The following TCF7L1 variants were observed in gnomAD, a reference collection of about 807,000 sequenced individuals.
TCF7L1 encodes transcription factor 7-like 1.
TCF7L1 carries 18 observed loss-of-function variants against 63.7 expected under a neutral mutation model. That is an observed-to-expected ratio of 0.28 (90% CI 0.20 to 0.42). The LOEUF is 0.42. TCF7L1 is among the 10% of genes least tolerant of loss of function. TCF7L1 has a pLI of 1.00. For missense variants in TCF7L1, 654 were observed against 779.3 expected, an observed-to-expected ratio of 0.84 and a Z score of 1.91; for synonymous variants, 355 against 340.9, an observed-to-expected ratio of 1.04 and a Z score of -0.46.
At chr2:85,268,626 G>A (rs1477300566) in intron 3 of TCF7L1, among the ~76,000 whole-genome samples, 1 of 152,044 alleles carries the variant, frequency 6.6e-6, no homozygotes, top group Non-Finnish European at 1.5e-5. Flanking sequence ...ACTTTTCATA[G>A]AGACGGGGTT....
At chr2:85,157,353 A>C (rs759311474) in intron 3 of TCF7L1, among the ~76,000 whole-genome samples, 1 of 152,210 alleles carries the variant, frequency 6.6e-6, no homozygotes, top group Non-Finnish European at 1.5e-5. Flanking sequence ...TCCCAGAGGA[A>C]TATTGCATGC....
chr2:85,244,737 T>G (rs1430580164), intron 3 of TCF7L1, among the ~76,000 whole-genome samples: 1 of 152,028 alleles, frequency 6.6e-6, no homozygotes, highest in African/African-American at 2.4e-5. Flanking sequence ...GACAGAGACT[T>G]TAGTCATCAG....
chr2:85,291,019 C>A (rs1355714223), intron 4 of TCF7L1, among the ~76,000 whole-genome samples: 1 of 152,204 alleles, frequency 6.6e-6, no homozygotes, highest in East Asian at 1.9e-4. Context: ...ATCACTGTAG[C>A]CCATTCTGTA....
rs1681913958 is a variant in TCF7L1, at chr2:85,299,525, C to G, written c.526-2959C>G. On this transcript the variant is annotated intron_variant, in intron 4 of 11. Transcript: ENST00000282111. ...CGAGATCACACCACTTGCACTCCAG[C>G]CTGGGTGACAGAGCAAGACTCTGTC... 3.3e-5 allele frequency among the ~76,000 whole-genome samples: 5 copies of G among 150,704 alleles called. 1 individual carries two copies. The South Asian group carries it at 8.5e-4, about 26-fold the overall frequency.
In TCF7L1 at chr2:85,133,987, C is replaced by G; in HGVS notation, c.250-29C>G. The G allele has an allele frequency of 6.2e-7, 1 of 1,600,780 alleles. No individual in the cohort carries two copies. The highest frequency in any genetic ancestry group is 1.1e-5 in the South Asian group (1 of 89,616). On this transcript the variant is annotated intron_variant, in intron 1 of 11. Transcript: ENST00000282111. The surrounding 1 kb of genome is among the most constrained non-coding windows in gnomAD (Gnocchi z 4.4). ...GGATCCCGGCCCTGCGTCCGCTCAC[C>G]CGCTCTTGCCTTTGTGTCTCCTCCG...
At chr2:85,226,384 A>G (rs1384537023) in intron 3 of TCF7L1, among the ~76,000 whole-genome samples, 1 of 152,036 alleles carries the variant, frequency 6.6e-6, no homozygotes, top group African/African-American at 2.4e-5. Context: ...TCCCTATTTT[A>G]CCATTAAGGA....
chr2:85,267,708 T>C (rs1681012021), intron 3 of TCF7L1, among the ~76,000 whole-genome samples: 1 of 151,628 alleles, frequency 6.6e-6, no homozygotes. Context: ...GGCAAGTTAG[T>C]TAACCTCTTT....
chr2:85,274,123 C>G (rs1233878787), intron 3 of TCF7L1, among the ~76,000 whole-genome samples: 1 of 152,128 alleles, frequency 6.6e-6, no homozygotes, highest in Non-Finnish European at 1.5e-5. Flanking sequence ...ACTGGGCCTC[C>G]AAAGCCAGTT....
At chr2:85,208,612 C>T (rs1443811974) in intron 3 of TCF7L1, among the ~76,000 whole-genome samples, 3 of 152,128 alleles carry the variant, frequency 2.0e-5, no homozygotes, top group African/African-American at 7.2e-5. Flanking sequence ...ATCTGTGTGT[C>T]TATCTTGTCT....
chr2:85,220,441 T>A (rs557691532), intron 3 of TCF7L1, among the ~76,000 whole-genome samples: 18 of 151,546 alleles, frequency 1.2e-4, no homozygotes, highest in Non-Finnish European at 2.4e-4. Context: ...CAATGTCAGC[T>A]CACTGCAACC....
chr2:85,276,441 A>G (rs1200054697), intron 3 of TCF7L1, among the ~76,000 whole-genome samples: 4 of 152,218 alleles, frequency 2.6e-5, no homozygotes, highest in Non-Finnish European at 5.9e-5. Context: ...CAATGACATT[A>G]TTCAAAATGC....
rs540903187 is a variant in TCF7L1 at position 85,274,922 on chromosome 2, C to A, written c.442-8573C>A. ...GTCCTCTCCAGTGTGAGAGGACACT[C>A]ACACTTGAGTGTGACAGCCACACGT... On this transcript the variant is annotated intron_variant, in intron 3 of 11. Transcript: ENST00000282111. Among the ~76,000 whole-genome samples, 7 of 152,286 alleles carry A rather than the reference C, an allele frequency of 4.6e-5. No homozygotes were observed. The East Asian group carries it at 1.4e-3, about 29-fold the overall frequency.
In TCF7L1 at chr2:85,261,906, C is replaced by T. The variant is rs368356158; in HGVS notation, c.442-21589C>T. 1.9e-4 allele frequency among the ~76,000 whole-genome samples: 29 copies of T among 152,236 alleles called. No individual in the cohort carries two copies. The South Asian group carries it at 5.8e-3, about 30-fold the overall frequency. ...TTTTTTTGTTGTAAGACAAACAATC[C>T]CATAGCATTTATTGCCATCTTGTAA... On this transcript the variant is annotated intron_variant, in intron 3 of 11. Coordinates refer to ENST00000282111, the MANE Select transcript of TCF7L1 (RefSeq NM_031283.3).
chr2:85,275,679 G>C (rs369600712), intron 3 of TCF7L1, among the ~76,000 whole-genome samples: 2 of 152,114 alleles, frequency 1.3e-5, no homozygotes, highest in East Asian at 3.9e-4. Context: ...GCAGAATTGG[G>C]AGGTGAAGGC....
chr2:85,282,806 G>GTT (rs1464119627), intron 3 of TCF7L1, among the ~76,000 whole-genome samples: 1 of 146,902 alleles, frequency 6.8e-6, no homozygotes, highest in East Asian at 2.0e-4. Context: ...GTGTGTGTGT[G>GTT]TGTGTGTGTG....
intron 3 of TCF7L1, among the ~76,000 whole-genome samples, chr2:85,266,390 G>A (rs1004027221): frequency 3.3e-5 from 5 of 152,194 alleles, no homozygotes; most frequent in Non-Finnish European, 7.3e-5. Context: ...GGGGGAAAAG[G>A]CCACTGCCAA....
At chr2:85,191,221 G>A (rs1161422624) in intron 3 of TCF7L1, among the ~76,000 whole-genome samples, 1 of 152,188 alleles carries the variant, frequency 6.6e-6, no homozygotes, top group African/African-American at 2.4e-5. Context: ...CTGGGGAGGT[G>A]ATCACAAACC....
intron 3 of TCF7L1, chr2:85,262,024 C>T: frequency 1.9e-6 from 1 of 523,864 alleles, no homozygotes; most frequent in Non-Finnish European, 3.8e-6. Context: ...CAATTTCTCA[C>T]TTCATTGATC....
At chr2:85,252,140 C>G (rs1680605656) in intron 3 of TCF7L1, among the ~76,000 whole-genome samples, 1 of 152,150 alleles carries the variant, frequency 6.6e-6, no homozygotes, top group Admixed American at 6.5e-5. Flanking sequence ...GGTACAGTGA[C>G]AAGAGGGCTG....
Sources: gnomAD v4.1 joint callset for allele counts (sites outside exome capture counted in the v4.1 genomes callset) on GRCh38, gnomAD v4.1.1 for gene constraint, Gnocchi (gnomAD v3.1) non-coding constraint, MANE v1.5 for transcripts, NCBI Gene and HGNC (gene_info 2026-07-23, HGNC 2026-07-21) for gene names.